Variants in CACNA1C observed in about 807,000 individuals in gnomAD.
CACNA1C encodes the protein calcium voltage-gated channel subunit alpha1 C, also known as voltage-dependent L-type calcium channel subunit alpha-1C.
CACNA1C carries 30 observed loss-of-function variants against 229.0 expected under a neutral mutation model. The observed-to-expected ratio is 0.13, with a 90% CI of 0.10 to 0.18. The LOEUF (loss-of-function observed/expected upper bound fraction) is 0.18, where lower values mean the gene tolerates loss of function less well. CACNA1C is among the 10% of genes least tolerant of loss of function. The pLI, the probability that CACNA1C is intolerant of heterozygous loss-of-function variation, is 1.00. For synonymous variants in CACNA1C, 1,114 were observed against 1,132.5 expected, an observed-to-expected ratio of 0.98 and a Z score of 0.33; for missense variants, 1,658 against 2,845.0, an observed-to-expected ratio of 0.58 and a Z score of 9.49.
At chr12:2,376,996 G>C (rs371195876) in intron 3 of CACNA1C, among the ~76,000 whole-genome samples, 1 of 152,112 alleles carries the variant, frequency 6.6e-6, no homozygotes, top group African/African-American at 2.4e-5. Flanking sequence ...CTGTTGTCAC[G>C]TTCTGTGCTC....
intron 1 of CACNA1C, among the ~76,000 whole-genome samples, chr12:2,041,270 C>CT (rs58922699): frequency 0.018 from 1,633 of 90,906 alleles, 64 homozygotes; most frequent in Non-Finnish European, 0.021. Flanking sequence ...TAAGGGTATT[C>CT]TTTTTTTTTT....
intron 1 of CACNA1C, among the ~76,000 whole-genome samples, chr12:1,974,879 T>C (rs1324361213): frequency 6.6e-6 from 1 of 152,172 alleles, no homozygotes; most frequent in Non-Finnish European, 1.5e-5. Context: ...AACATGTCTA[T>C]TTATGCTTAA....
intron 5 of CACNA1C, among the ~76,000 whole-genome samples, chr12:2,476,158 A>C (rs1190319220): frequency 2.0e-5 from 3 of 152,234 alleles, no homozygotes; most frequent in Admixed American, 6.5e-5. Flanking sequence ...ATCGTGATGC[A>C]ATCACTTCCA....
chr12:2,002,679 C>A (rs937968768), intron 1 of CACNA1C, among the ~76,000 whole-genome samples: 6 of 152,176 alleles, frequency 3.9e-5, no homozygotes, highest in Non-Finnish European at 8.8e-5. Context: ...AGACTCGAAT[C>A]CCAGTGTCAA....
chr12:2,237,253 C>A (rs998627914), intron 3 of CACNA1C, among the ~76,000 whole-genome samples: 6 of 152,226 alleles, frequency 3.9e-5, no homozygotes, highest in Non-Finnish European at 8.8e-5. Context: ...AACCTGTTAT[C>A]TCTTCTCTTT....
At chr12:2,088,208 C>T (rs1342332686) in intron 1 of CACNA1C, among the ~76,000 whole-genome samples, 1 of 152,218 alleles carries the variant, frequency 6.6e-6, no homozygotes, top group Non-Finnish European at 1.5e-5. Context: ...TTCTTTGGTT[C>T]TTGCCTTGAG....
chr12:2,403,903 C>G lies in CACNA1C; in HGVS notation c.478-45073C>G, dbSNP rs2098706824. ...CTTTCTCAGAGATGCCTGTTTCCACCTAGAGGAAAGACTTAATGATTCTCA... is the reference window on the plus strand; with the variant it reads ...CTTTCTCAGAGATGCCTGTTTCCACGTAGAGGAAAGACTTAATGATTCTCA... On this transcript the variant is annotated intron_variant, in intron 3 of 46. Transcript: ENST00000399655. The surrounding 1 kb of genome is among the most constrained non-coding windows in gnomAD (Gnocchi z 4.1). Among the ~76,000 whole-genome samples, 1 of 152,212 alleles carries G rather than the reference C, an allele frequency of 6.6e-6. No individual in the cohort carries two copies. The highest frequency in any genetic ancestry group is 1.5e-5 in the Non-Finnish European group (1 of 68,040).
intron 10 of CACNA1C, 112 bp downstream of exon 10, chr12:2,550,145 G>A (rs1022773371): frequency 2.5e-6 from 2 of 801,638 alleles, no homozygotes; most frequent in African/African-American, 1.7e-5. Context: ...GCAGAGATTA[G>A]AGCCGGTGGC....
chr12:2,457,750 C>G, intron 5 of CACNA1C, 44 bp downstream of exon 5: 1 of 1,462,510 alleles, frequency 6.8e-7, no homozygotes, highest in Non-Finnish European at 9.1e-7. Flanking sequence ...CTCCTCACCA[C>G]CTTCTGCTGT....
chr12:2,416,676 A>T (rs908309576), intron 3 of CACNA1C, among the ~76,000 whole-genome samples: 4 of 152,038 alleles, frequency 2.6e-5, no homozygotes, highest in African/African-American at 9.7e-5. Context: ...GACAATTGGG[A>T]CTCCACCCAC....
chr12:2,050,757 C>T (rs2154499485), upstream of CACNA1C, among the ~76,000 whole-genome samples: 1 of 152,250 alleles, frequency 6.6e-6, no homozygotes, highest in Non-Finnish European at 1.5e-5. Context: ...AATACTTCTC[C>T]CAGGGGCACT....
At chr12:2,177,778 A>G (rs1258021233) in intron 3 of CACNA1C, among the ~76,000 whole-genome samples, 1 of 152,028 alleles carries the variant, frequency 6.6e-6, no homozygotes, top group African/African-American at 2.4e-5. Context: ...CTGGGATTAT[A>G]GGCTTCTGCC....
intron 1 of CACNA1C, among the ~76,000 whole-genome samples, chr12:2,076,197 C>T (rs2063126494): frequency 1.3e-5 from 2 of 152,198 alleles, no homozygotes; most frequent in South Asian, 4.1e-4. Flanking sequence ...CCATCTTTCT[C>T]CAACGTGCTC....
At chr12:2,547,302 A>AT (rs534399974) in intron 9 of CACNA1C, 12 of 619,230 alleles carry the variant, frequency 1.9e-5, no homozygotes, top group East Asian at 1.1e-4. Context: ...GATTTATTGA[A>AT]TTTTTTTTGT....
intron 5 of CACNA1C, among the ~76,000 whole-genome samples, chr12:2,483,201 G>T (rs1056577466): frequency 6.6e-6 from 1 of 152,256 alleles, no homozygotes; most frequent in Non-Finnish European, 1.5e-5. Context: ...GAACTGCGGG[G>T]TGTATTGCTC....
chr12:2,331,777 T>G (rs1015062359), intron 3 of CACNA1C, among the ~76,000 whole-genome samples: 1 of 152,218 alleles, frequency 6.6e-6, no homozygotes, highest in Non-Finnish European at 1.5e-5. Flanking sequence ...GGAGGAAATA[T>G]TAGACAAACC....
chr12:2,651,484 G>A lies in CACNA1C; in HGVS notation c.3946-156G>A. Reference sequence around the variant, plus strand: ...CTGGGCTGTCCACTCATTAAAGTGGGCGGCCGCCCTCCCATCGGAGGGGGA... The same window carrying A: ...CTGGGCTGTCCACTCATTAAAGTGGACGGCCGCCCTCCCATCGGAGGGGGA... On this transcript the variant is annotated intron_variant, in intron 31 of 46. Coordinates refer to ENST00000399655, the MANE Select transcript of CACNA1C (RefSeq NM_000719.7). This position sits in a 1 kb window ranked among gnomAD's most constrained non-coding sequence, Gnocchi z 5.4. 9.5e-7 allele frequency: 1 copy of A among 1,050,190 alleles called. No homozygotes were observed. Among genetic ancestry groups the A allele is most frequent in the Admixed American group, 1.9e-5 (1 of 51,440 alleles). 65.1% of individuals were successfully genotyped at this position (1,050,190 alleles called of 1,614,324 possible). A position where few individuals can be genotyped will look rare whatever the true frequency, so the allele number is the denominator to read the frequency against.
At chr12:2,019,113 T>C (rs2045927788) in intron 1 of CACNA1C, among the ~76,000 whole-genome samples, 1 of 151,988 alleles carries the variant, frequency 6.6e-6, no homozygotes, top group Non-Finnish European at 1.5e-5. Flanking sequence ...GTCTATGGTT[T>C]GATAGGTTGG....
chr12:2,239,492 G>C (rs2068902963), intron 3 of CACNA1C, among the ~76,000 whole-genome samples: 5 of 152,146 alleles, frequency 3.3e-5, no homozygotes, highest in Admixed American at 2.6e-4. Context: ...TTCATTCCCA[G>C]GGCTGCTCTC....
Sources: allele counts gnomAD v4.1 joint callset (sites outside exome capture counted in the v4.1 genomes callset), GRCh38; gene constraint gnomAD v4.1.1; non-coding constraint Gnocchi (gnomAD v3.1); transcripts MANE v1.5; gene names NCBI Gene and HGNC (gene_info 2026-07-23, HGNC 2026-07-21).